PTPRD: variants seen among roughly 807,000 people sequenced by gnomAD.
PTPRD encodes receptor-type tyrosine-protein phosphatase delta.
Under a neutral mutation model 214.5 loss-of-function variants are expected in PTPRD, and 34 were observed. The observed-to-expected ratio is 0.16, with a 90% confidence interval of 0.12 to 0.21. The LOEUF is 0.21. Ranked by LOEUF, PTPRD falls within the 10% of genes least tolerant of loss-of-function variation. The probability of loss-of-function intolerance (pLI) is 1.00; values close to 1 mark genes in which losing one functional copy is unlikely to be tolerated. For synonymous variants in PTPRD, 1,128 were observed against 845.7 expected, an observed-to-expected ratio of 1.33 and a Z score of -5.79; for missense variants, 2,545 against 2,398.7, an observed-to-expected ratio of 1.06 and a Z score of -1.27.
intron 11 of PTPRD, among the ~76,000 whole-genome samples, chr9:8,985,428 G>A (rs1356032376): frequency 1.3e-5 from 2 of 151,988 alleles, no homozygotes; most frequent in Non-Finnish European, 2.9e-5. Context: ...CATTAATACA[G>A]GTTGTAATAG....
intron 5 of PTPRD, among the ~76,000 whole-genome samples, chr9:9,772,299 T>C (rs1015413418): frequency 1.3e-5 from 2 of 152,136 alleles, no homozygotes; most frequent in African/African-American, 2.4e-5. Flanking sequence ...CTTGAACTTT[T>C]AGCCTACAAA....
intron 8 of PTPRD, among the ~76,000 whole-genome samples, chr9:9,413,625 A>G (rs1268875448): frequency 6.6e-6 from 1 of 152,182 alleles, no homozygotes; most frequent in Non-Finnish European, 1.5e-5. Context: ...CTATGAGCCC[A>G]TATCACCTAT....
At chr9:8,858,958 A>ACACC (rs1346183900) in intron 11 of PTPRD, among the ~76,000 whole-genome samples, 4 of 152,214 alleles carry the variant, frequency 2.6e-5, no homozygotes, top group Admixed American at 2.6e-4. Flanking sequence ...TAAGAGATGC[A>ACACC]CACCCGGGCG....
At chr9:8,810,988 G>A (rs1043303722) in intron 11 of PTPRD, among the ~76,000 whole-genome samples, 5 of 152,060 alleles carry the variant, frequency 3.3e-5, no homozygotes, top group South Asian at 2.1e-4. Context: ...GAGCTTCCTC[G>A]GTTTGGGAGA....
At chr9:9,430,454 T>C (rs973658307) in intron 8 of PTPRD, among the ~76,000 whole-genome samples, 1 of 151,988 alleles carries the variant, frequency 6.6e-6, no homozygotes, top group African/African-American at 2.4e-5. Flanking sequence ...GAAGAATCAA[T>C]ATCATGAAAA....
chr9:9,079,330 T>C (rs980803626), intron 10 of PTPRD, among the ~76,000 whole-genome samples: 2 of 152,132 alleles, frequency 1.3e-5, no homozygotes, highest in African/African-American at 4.8e-5. Flanking sequence ...TTCTGGCTTA[T>C]TTCACTTAAT....
chr9:9,671,978 A>G (rs2096840746), intron 7 of PTPRD, among the ~76,000 whole-genome samples: 1 of 152,208 alleles, frequency 6.6e-6, no homozygotes, highest in Non-Finnish European at 1.5e-5. Context: ...TGAGAAGAAT[A>G]AAAATTGCTA....
intron 10 of PTPRD, among the ~76,000 whole-genome samples, chr9:9,029,795 G>A (rs756638598): frequency 3.3e-5 from 5 of 151,912 alleles, no homozygotes; most frequent in Non-Finnish European, 7.4e-5. Context: ...TGATATAATG[G>A]TGGGACATCC....
chr9:9,662,806 T>A (rs1053870280), intron 7 of PTPRD, among the ~76,000 whole-genome samples: 2 of 151,602 alleles, frequency 1.3e-5, no homozygotes, highest in African/African-American at 4.8e-5. Context: ...TGTATCTTAG[T>A]GTCTTTCACA....
At chr9:9,592,967 C>A (rs1057479022) in intron 7 of PTPRD, among the ~76,000 whole-genome samples, 3 of 151,800 alleles carry the variant, frequency 2.0e-5, no homozygotes, top group Non-Finnish European at 4.4e-5. Context: ...ATCACTTGAA[C>A]CTGGGAGGTG....
At position 9,353,446 on chromosome 9, in the gene PTPRD, C is replaced by G. The variant is rs1213905680; in HGVS notation, c.-203+44003G>C. 7.2e-5 allele frequency among the ~76,000 whole-genome samples: 11 copies of G among 151,986 alleles called. No individual in the cohort carries two copies. In the Middle Eastern group the frequency reaches 0.014, roughly 188 times the overall value. On this transcript the variant is annotated intron_variant, in intron 9 of 45. Coordinates refer to ENST00000381196, the MANE Select transcript of PTPRD (RefSeq NM_002839.4). ...AAATAAAGCCAGTTTAGGTTAAATA[C>G]TTTGCATATGTCTCAGAGTAATTAT...
intron 7 of PTPRD, among the ~76,000 whole-genome samples, chr9:9,588,738 A>C (rs2092381926): frequency 6.6e-6 from 1 of 151,998 alleles, no homozygotes; most frequent in Admixed American, 6.6e-5. Context: ...AAGACAAATG[A>C]AATGTTACGG....
At chr9:9,050,162 G>A (rs1178572216) in intron 10 of PTPRD, among the ~76,000 whole-genome samples, 1 of 152,178 alleles carries the variant, frequency 6.6e-6, no homozygotes, top group Non-Finnish European at 1.5e-5. Flanking sequence ...TCCTGCCACA[G>A]GACAGAGGCA....
At chr9:9,469,406 G>C (rs1249318037) in intron 8 of PTPRD, among the ~76,000 whole-genome samples, 1 of 152,130 alleles carries the variant, frequency 6.6e-6, no homozygotes, top group African/African-American at 2.4e-5. Context: ...TAAATCAAAA[G>C]GGCTCACTGG....
chr9:9,524,893 T>C lies in PTPRD; in HGVS notation c.-237+49839A>G, dbSNP rs776873655. Among the ~76,000 whole-genome samples the C allele has an allele frequency of 2.1e-3, 326 of 152,354 alleles. 4 individuals carry two copies. Among genetic ancestry groups the C allele is most frequent in the Non-Finnish European group, 1.8e-3 (123 of 68,030 alleles). ...TGTTTGTTGAGACGGAGTCTCGCTCTGTTGCCCAGGCTGGAGTACAGTGGC... is the reference window on the plus strand; with the variant it reads ...TGTTTGTTGAGACGGAGTCTCGCTCCGTTGCCCAGGCTGGAGTACAGTGGC... On this transcript the variant is annotated intron_variant, in intron 8 of 45. Coordinates refer to ENST00000381196, the MANE Select transcript of PTPRD (RefSeq NM_002839.4).
chr9:9,185,546 A>G (rs997105951), intron 9 of PTPRD, among the ~76,000 whole-genome samples: 3 of 152,058 alleles, frequency 2.0e-5, no homozygotes, highest in African/African-American at 7.2e-5. Flanking sequence ...TTTCAGCCCT[A>G]CTTAAGCAAC....
intron 11 of PTPRD, among the ~76,000 whole-genome samples, chr9:8,738,664 C>G (rs1299169452): frequency 6.6e-6 from 1 of 151,912 alleles, no homozygotes; most frequent in Non-Finnish European, 1.5e-5. Flanking sequence ...ACATTATAAT[C>G]TATGAGTTCA....
chr9:10,165,561 T>C (rs1295548850), intron 3 of PTPRD, among the ~76,000 whole-genome samples: 1 of 151,792 alleles, frequency 6.6e-6, no homozygotes, highest in Non-Finnish European at 1.5e-5. Flanking sequence ...GCTAGTAAAA[T>C]GTTTTGTTTA....
At chr9:9,970,802 G>C (rs2095056048) in intron 4 of PTPRD, among the ~76,000 whole-genome samples, 1 of 152,086 alleles carries the variant, frequency 6.6e-6, no homozygotes, top group African/African-American at 2.4e-5. Context: ...CATTGCTCTG[G>C]CCCACAGAAA....
Sources: gnomAD v4.1 joint callset for allele counts (sites outside exome capture counted in the v4.1 genomes callset) on GRCh38, gnomAD v4.1.1 for gene constraint, MANE v1.5 for transcripts, NCBI Gene and HGNC (gene_info 2026-07-23, HGNC 2026-07-21) for gene names.